The following AGPAT5 variants were observed in gnomAD, a reference collection of about 807,000 sequenced individuals.
AGPAT5 encodes 1-acyl-sn-glycerol-3-phosphate acyltransferase epsilon.
Under a neutral mutation model 45.6 loss-of-function variants are expected in AGPAT5, and 46 were observed. The observed-to-expected ratio is 1.01, with a 90% CI of 0.80 to 1.29. The LOEUF is 1.29. AGPAT5 is among the 50% of genes most tolerant of loss of function. The pLI is 0.00. For synonymous variants in AGPAT5, 272 were observed against 167.0 expected, an observed-to-expected ratio of 1.63 and a Z score of -4.85; for missense variants, 673 against 450.7, an observed-to-expected ratio of 1.49 and a Z score of -4.47.
At chr8:6,719,977 CAG>C in intron 1 of AGPAT5, among the ~76,000 whole-genome samples, 1 of 152,184 alleles carries the variant, frequency 6.6e-6, no homozygotes, top group Non-Finnish European at 1.5e-5. Flanking sequence ...TTGTATTGAT[CAG>C]TGGTTGGGAC....
At chr8:6,720,023 C>G (rs1800450560) in intron 1 of AGPAT5, among the ~76,000 whole-genome samples, 2 of 152,186 alleles carry the variant, frequency 1.3e-5, no homozygotes, top group African/African-American at 4.8e-5. Context: ...GATTGTCCTG[C>G]TTTTTAAAGC....
chr8:6,755,186 C>T lies in AGPAT5; in HGVS notation c.869+12C>T, dbSNP rs749091250. 1.3e-5 allele frequency: 21 copies of T among 1,592,332 alleles called. No homozygotes were observed. The South Asian group carries it at 2.3e-4, about 18-fold the overall frequency. On this transcript the variant is annotated intron_variant, in intron 7 of 7. Coordinates refer to ENST00000285518, the MANE Select transcript of AGPAT5 (RefSeq NM_018361.5). The stretch of plus-strand genomic sequence containing the variant: ...GAAATCAAAGATAAGTGAGTAACAA[C>T]AGTTCCAGCACTTCCGGAACTTCGG...
intron 1 of AGPAT5, chr8:6,709,161 A>C: frequency 3.8e-6 from 2 of 529,004 alleles, no homozygotes; most frequent in Admixed American, 3.2e-5. Context: ...CTGCTTAGCA[A>C]AGTGGGTGCA....
intron 5 of AGPAT5, among the ~76,000 whole-genome samples, chr8:6,747,068 C>T (rs1483162400): frequency 6.6e-6 from 1 of 152,210 alleles, no homozygotes; most frequent in African/African-American, 2.4e-5. Context: ...TATGCAATTC[C>T]TATGAATGTT....
chr8:6,723,209 G>C (rs189060977), intron 1 of AGPAT5, among the ~76,000 whole-genome samples: 1 of 152,298 alleles, frequency 6.6e-6, no homozygotes, highest in African/African-American at 2.4e-5. Context: ...CCAGCTTGGT[G>C]CTAGGCTCTT....
rs1802040488 is a variant in AGPAT5, at chr8:6,761,396, ACT to A, written c.*4011_*4012del. On this transcript the variant is annotated 3_prime_UTR_variant, in exon 8 of 8. Transcript: ENST00000285518. Reference sequence around the variant, plus strand: ...TCCAGCAGGCAAGAATACTTGACTAACTCTTTTTGTCTCTTTATGGTATTTTC... The same window carrying A: ...TCCAGCAGGCAAGAATACTTGACTAACTTTTTGTCTCTTTATGGTATTTTC... 1.3e-5 allele frequency among the ~76,000 whole-genome samples: 2 copies of A among 152,088 alleles called. No homozygotes were observed. The highest frequency in any genetic ancestry group is 2.9e-5 in the Non-Finnish European group (2 of 67,970).
chr8:6,708,648 C>A lies in AGPAT5; in HGVS notation c.-21C>A, dbSNP rs746365266. ...GCGGGCGGGGAGCGCAGGCGGAGCT[C>A]GCTGCCGCCGAGCTGAGAAGATGCT... On this transcript the variant is annotated 5_prime_UTR_variant, in exon 1 of 8. Coordinates refer to ENST00000285518, the MANE Select transcript of AGPAT5 (RefSeq NM_018361.5). The A allele has an allele frequency of 2.7e-6, 4 of 1,508,424 alleles. No homozygotes were observed. Among genetic ancestry groups the A allele is most frequent in the East Asian group, 2.7e-5 (1 of 36,622 alleles). 93.4% of individuals were successfully genotyped at this position (1,508,424 alleles called of 1,614,324 possible).
chr8:6,745,649 G>T (rs995138762), intron 5 of AGPAT5: 11 of 150,616 alleles, frequency 7.3e-5, no homozygotes, highest in African/African-American at 2.7e-4. Flanking sequence ...CTTTGTTTTT[G>T]TATTACATTG....
At chr8:6,739,016 A>G (rs1195329708) in intron 4 of AGPAT5, among the ~76,000 whole-genome samples, 5 of 152,040 alleles carry the variant, frequency 3.3e-5, no homozygotes, top group African/African-American at 4.8e-5. Flanking sequence ...ATCGAAGTTC[A>G]TATTTTTTTA....
At chr8:6,750,142 G>C (rs1039538307) in intron 6 of AGPAT5, among the ~76,000 whole-genome samples, 2 of 152,228 alleles carry the variant, frequency 1.3e-5, no homozygotes, top group Admixed American at 6.5e-5. Flanking sequence ...TCCCAGCATA[G>C]CACTGTGCCT....
intron 3 of AGPAT5, 26 bp downstream of exon 3, chr8:6,730,852 C>A (rs748293527): frequency 4.4e-5 from 63 of 1,415,880 alleles, no homozygotes; most frequent in Non-Finnish European, 5.7e-5. Context: ...GCTTTTCTCT[C>A]TATATATGTA....
chr8:6,734,123 T>C (rs867106904), intron 4 of AGPAT5, among the ~76,000 whole-genome samples: 4 of 152,232 alleles, frequency 2.6e-5, no homozygotes, highest in Non-Finnish European at 2.9e-5. Context: ...GTGTCTGTTA[T>C]TAATTTTGGA....
At chr8:6,756,928 C>T (rs769141811) in intron 7 of AGPAT5, among the ~76,000 whole-genome samples, 1 of 152,172 alleles carries the variant, frequency 6.6e-6, no homozygotes, top group Non-Finnish European at 1.5e-5. Flanking sequence ...TGCCTTAAAA[C>T]CACCTGTTGA....
chr8:6,741,817 C>T (rs1801254457), intron 5 of AGPAT5, 66 bp downstream of exon 5: 1 of 1,273,188 alleles, frequency 7.9e-7, no homozygotes, highest in Non-Finnish European at 1.1e-6. Context: ...AGTTTTTCTT[C>T]CTGGAAAAGA....
At chr8:6,744,968 G>A (rs932338397) in intron 5 of AGPAT5, among the ~76,000 whole-genome samples, 1 of 152,216 alleles carries the variant, frequency 6.6e-6, no homozygotes, top group African/African-American at 2.4e-5. Flanking sequence ...CATTTCAGCC[G>A]AGCCAAGTCT....
chr8:6,752,266 A>G (rs1801681440), intron 6 of AGPAT5, among the ~76,000 whole-genome samples: 1 of 152,188 alleles, frequency 6.6e-6, no homozygotes, highest in Admixed American at 6.5e-5. Flanking sequence ...CGGTAACCCC[A>G]ATTTGGATAT....
Position 6,747,785 on chromosome 8 carries a change from G to A in AGPAT5, c.702G>A (p.Gly234=). 1 of 1,614,138 alleles carries A rather than the reference G, an allele frequency of 6.2e-7. No homozygotes were observed. The stretch of plus-strand genomic sequence containing the variant: ...ATGATGTTACGGTGGTTTATGAAGG[G>A]AAAGACGATGGAGGGCAGCGAAGAG... ...AIYDVTVVYE[G]KDDGGQRRES... Residue 234 remains glycine (G), a synonymous_variant, in exon 6 of 8, where the codon GGG becomes GGA. Coordinates refer to ENST00000285518, the MANE Select transcript of AGPAT5 (RefSeq NM_018361.5).
In AGPAT5 at chr8:6,738,747, G is replaced by T. The variant is rs535419682; in HGVS notation, c.496-2914G>T. 7.9e-5 allele frequency among the ~76,000 whole-genome samples: 12 copies of T among 152,194 alleles called. No homozygotes were observed. The South Asian group carries it at 1.0e-3, about 13-fold the overall frequency. On this transcript the variant is annotated intron_variant, in intron 4 of 7. Coordinates refer to ENST00000285518, the MANE Select transcript of AGPAT5 (RefSeq NM_018361.5). ...CTGTTACTTACCTTTTCCTATTTGT[G>T]AATAGTATCTTTTTTGAGTACGTGT... is the stretch of plus-strand genomic sequence containing the variant.
chr8:6,727,007 A>G (rs1165004495), intron 2 of AGPAT5, among the ~76,000 whole-genome samples: 2 of 152,228 alleles, frequency 1.3e-5, no homozygotes, highest in African/African-American at 2.4e-5. Context: ...AGAGACCCCT[A>G]AAGCCTATCC....
Sources: gnomAD v4.1 joint callset for allele counts (sites outside exome capture counted in the v4.1 genomes callset) on GRCh38, gnomAD v4.1.1 for gene constraint, MANE v1.5 for transcripts, NCBI Gene and HGNC (gene_info 2026-07-23, HGNC 2026-07-21) for gene names.